The following PARD3B variants were observed in gnomAD, a reference collection of about 807,000 sequenced individuals.
PARD3B encodes par-3 family cell polarity regulator beta.
A neutral mutation model predicts 130.2 loss-of-function variants in PARD3B; 103 were observed. The ratio of observed to expected loss-of-function variants is 0.79; its 90% CI spans 0.67 to 0.93. PARD3B has a LOEUF of 0.93. Ranked by LOEUF, PARD3B falls within the 40% of genes least tolerant of loss-of-function variation. The probability of loss-of-function intolerance (pLI) is 0.00; values close to 1 mark genes in which losing one functional copy is unlikely to be tolerated. For missense variants in PARD3B, 1,609 were observed against 1,499.2 expected (o/e 1.07, Z -1.21); for synonymous variants, 583 against 553.2 (o/e 1.05, Z -0.76).
rs375812431 is a variant in PARD3B, at chr2:205,531,945, GT to G, written c.3181-21369del. On this transcript the variant is annotated intron_variant, in intron 21 of 22. Transcript: ENST00000406610. ...TTATTTATTATCTTTCCTTCTTTCT[GT>G]TTTTTTTTTCCTTGAATGTTTTCTT... Among the ~76,000 whole-genome samples, 12 of 149,168 alleles carry G rather than the reference GT, an allele frequency of 8.0e-5. No homozygotes were observed. In the East Asian group the frequency reaches 1.2e-3, roughly 15 times the overall value.
intron 2 of PARD3B, among the ~76,000 whole-genome samples, chr2:204,764,718 G>GTGTGTGTGTGTGTGTT (rs1334271758): frequency 6.6e-6 from 1 of 150,766 alleles, no homozygotes; most frequent in African/African-American, 2.4e-5. Flanking sequence ...ATGCATGCGT[G>GTGTGTGTGTGTGTGTT]TGTGTGTGTG....
chr2:205,093,287 G>C (rs1270651937), intron 4 of PARD3B, among the ~76,000 whole-genome samples: 1 of 152,134 alleles, frequency 6.6e-6, no homozygotes, highest in Non-Finnish European at 1.5e-5. Context: ...TAGAGTATCT[G>C]TTGTATTTCA....
At chr2:205,236,151 A>G (rs894883136) in intron 15 of PARD3B, among the ~76,000 whole-genome samples, 3 of 152,242 alleles carry the variant, frequency 2.0e-5, no homozygotes, top group African/African-American at 7.2e-5. Context: ...AAGAAGAAAT[A>G]AATAGTGTGG....
chr2:204,545,777 G>T lies in PARD3B; in HGVS notation c.-223G>T, dbSNP rs2029880998. 3 of 449,060 alleles carry T rather than the reference G, an allele frequency of 6.7e-6. No homozygotes were observed. The highest frequency in any genetic ancestry group is 8.4e-5 in the South Asian group (2 of 23,904). The allele number at this position is 449,060 out of a possible 1,614,324, so 27.8% of individuals were successfully genotyped here. On this transcript the variant is annotated 5_prime_UTR_variant, in exon 1 of 23. Coordinates refer to ENST00000406610, the MANE Select transcript of PARD3B (RefSeq NM_001302769.2). ...GCGTCCCGGGCCGCCGGGCACCTGGGAGGTAACCCCTTTCCGCGGCCGCCC... is the reference window on the plus strand; with the variant it reads ...GCGTCCCGGGCCGCCGGGCACCTGGTAGGTAACCCCTTTCCGCGGCCGCCC...
At chr2:205,222,181 A>T (rs970440443) in intron 15 of PARD3B, among the ~76,000 whole-genome samples, 20 of 12,846 alleles carry the variant, frequency 1.6e-3, no homozygotes, top group African/African-American at 7.6e-3. Flanking sequence ...TTCCAATATA[A>T]AAAAAAAAAA....
rs187030902 is a variant in PARD3B, at chr2:205,036,967, G to A, written c.395-10614G>A. On this transcript the variant is annotated intron_variant, in intron 3 of 22. Coordinates refer to ENST00000406610, the MANE Select transcript of PARD3B (RefSeq NM_001302769.2). Reference sequence around the variant, plus strand: ...TGTATATATAAAGAACATATATAGCGGACTGTATATATAAAAAACATATAT... The same window carrying A: ...TGTATATATAAAGAACATATATAGCAGACTGTATATATAAAAAACATATAT... Among the ~76,000 whole-genome samples the A allele has an allele frequency of 3.9e-3, 570 of 144,912 alleles. 7 individuals carry two copies. Among genetic ancestry groups the A allele is most frequent in the East Asian group, 7.2e-3 (35 of 4,852 alleles).
intron 2 of PARD3B, among the ~76,000 whole-genome samples, chr2:204,753,845 G>C (rs2125393681): frequency 6.6e-6 from 1 of 152,134 alleles, no homozygotes; most frequent in East Asian, 1.9e-4. Flanking sequence ...TTGAGCTCAG[G>C]AGTTTGAGAT....
At chr2:204,923,586 G>A (rs2047765034) in intron 2 of PARD3B, among the ~76,000 whole-genome samples, 1 of 151,992 alleles carries the variant, frequency 6.6e-6, no homozygotes, top group African/African-American at 2.4e-5. Context: ...TATGGAGGTG[G>A]CAATTAGGAA....
At chr2:204,886,919 T>C (rs1041091882) in intron 2 of PARD3B, among the ~76,000 whole-genome samples, 2 of 152,228 alleles carry the variant, frequency 1.3e-5, no homozygotes, top group African/African-American at 2.4e-5. Context: ...GGCTTTAGCC[T>C]AATGACCATG....
chr2:204,978,357 T>C (rs1200058512), intron 3 of PARD3B, among the ~76,000 whole-genome samples: 1 of 152,228 alleles, frequency 6.6e-6, no homozygotes, highest in East Asian at 1.9e-4. Flanking sequence ...TATTGGAATA[T>C]AAAAATTAGT....
At chr2:205,108,016 A>G (rs906299809) in intron 5 of PARD3B, among the ~76,000 whole-genome samples, 1 of 152,110 alleles carries the variant, frequency 6.6e-6, no homozygotes, top group East Asian at 1.9e-4. Flanking sequence ...CTTTTGTTTC[A>G]TTCTTAAAAC....
intron 10 of PARD3B, among the ~76,000 whole-genome samples, chr2:205,151,335 T>G (rs2033742590): frequency 6.6e-6 from 1 of 152,184 alleles, no homozygotes; most frequent in African/African-American, 2.4e-5. Flanking sequence ...TTCTGTCTCA[T>G]TGATCTGTCT....
chr2:205,349,397 C>T (rs974164401), intron 18 of PARD3B, among the ~76,000 whole-genome samples: 1 of 152,170 alleles, frequency 6.6e-6, no homozygotes, highest in Non-Finnish European at 1.5e-5. Flanking sequence ...CCTCTCCAAG[C>T]TCTCCTGGCA....
chr2:204,599,074 G>A (rs2033407982), intron 1 of PARD3B, among the ~76,000 whole-genome samples: 1 of 151,382 alleles, frequency 6.6e-6, no homozygotes, highest in Admixed American at 6.6e-5. Flanking sequence ...AAAAGACATT[G>A]TTTTTTCTTT....
At chr2:205,151,249 G>A (rs573521641) in intron 10 of PARD3B, among the ~76,000 whole-genome samples, 1 of 152,292 alleles carries the variant, frequency 6.6e-6, no homozygotes, top group African/African-American at 2.4e-5. Flanking sequence ...TTGATTTGGG[G>A]TGGAGAGTTC....
At chr2:204,723,028 G>A (rs2039066954) in intron 2 of PARD3B, among the ~76,000 whole-genome samples, 2 of 152,088 alleles carry the variant, frequency 1.3e-5, no homozygotes, top group African/African-American at 4.8e-5. Flanking sequence ...GAGGTGATTG[G>A]TTGATATTCT....
At chr2:205,511,890 C>T (rs762369896) in intron 21 of PARD3B, among the ~76,000 whole-genome samples, 2 of 152,166 alleles carry the variant, frequency 1.3e-5, no homozygotes, top group Admixed American at 6.6e-5. Context: ...CAGGTCACTA[C>T]AGCGGCCATC....
At chr2:204,742,243 C>T (rs951262236) in intron 2 of PARD3B, among the ~76,000 whole-genome samples, 8 of 152,008 alleles carry the variant, frequency 5.3e-5, no homozygotes, top group East Asian at 1.9e-4. Flanking sequence ...TAACATTATA[C>T]GTATATGTAT....
At chr2:205,041,021 A>G (rs1698361147) in intron 3 of PARD3B, among the ~76,000 whole-genome samples, 1 of 152,186 alleles carries the variant, frequency 6.6e-6, no homozygotes, top group Non-Finnish European at 1.5e-5. Context: ...TTTATTAAAC[A>G]ATAAGCATTC....
Sources: gnomAD v4.1 joint callset for allele counts (sites outside exome capture counted in the v4.1 genomes callset) on GRCh38, gnomAD v4.1.1 for gene constraint, MANE v1.5 for transcripts, NCBI Gene and HGNC (gene_info 2026-07-23, HGNC 2026-07-21) for gene names.